Variants in ACVR1C observed in about 807,000 individuals in gnomAD.
ACVR1C encodes the protein activin receptor type-1C.
ACVR1C carries 23 observed loss-of-function variants against 57.9 expected under a neutral mutation model. The ratio of observed to expected loss-of-function variants is 0.40; its 90% confidence interval spans 0.29 to 0.56. The LOEUF (loss-of-function observed/expected upper bound fraction) is 0.56, where lower values mean the gene tolerates loss of function less well. ACVR1C is among the 20% of genes least tolerant of loss of function. The pLI is 0.50. For missense variants in ACVR1C, 480 were observed against 607.9 expected (o/e 0.79, Z 2.21); for synonymous variants, 214 against 215.3 (o/e 0.99, Z 0.05).
Position 157,587,168 on chromosome 2 carries a change from A to G in ACVR1C, c.304+19T>C. ...AAGAGTAAAATTAAATTCGGAATGA[A>G]CAAAGATAAACCCCTTACCTGTTGG... On this transcript the variant is annotated intron_variant, in intron 2 of 8. Transcript: ENST00000243349. The G allele has an allele frequency of 6.3e-7, 1 of 1,575,486 alleles. No homozygotes were observed. Among genetic ancestry groups the G allele is most frequent in the Non-Finnish European group, 8.7e-7 (1 of 1,145,366 alleles).
chr2:157,612,189 T>C (rs779857933), intron 1 of ACVR1C, among the ~76,000 whole-genome samples: 8 of 152,138 alleles, frequency 5.3e-5, no homozygotes, highest in Non-Finnish European at 1.2e-4. Flanking sequence ...GGGTAGCACT[T>C]ACTTCAGCTC....
chr2:157,592,877 A>G (rs1333705580), intron 1 of ACVR1C, among the ~76,000 whole-genome samples: 1 of 152,116 alleles, frequency 6.6e-6, no homozygotes, highest in Non-Finnish European at 1.5e-5. Context: ...GTCTTGTCTC[A>G]TGTTTATTTT....
intron 3 of ACVR1C, among the ~76,000 whole-genome samples, chr2:157,554,240 A>AAAGAAAGAAAGAAAGAAAGAAAGG (rs1688011066): frequency 7.4e-6 from 1 of 135,194 alleles, no homozygotes; most frequent in South Asian, 2.3e-4. Context: ...AGAAAGAAAG[A>AAAGAAAGAAAGAAAGAAAGAAAGG]AAGAAAGAAA....
chr2:157,621,399 G>T (rs1029854021), intron 1 of ACVR1C, among the ~76,000 whole-genome samples: 4 of 152,146 alleles, frequency 2.6e-5, no homozygotes, highest in African/African-American at 4.8e-5. Flanking sequence ...GGTCTTCCTT[G>T]TCTGTTTCAT....
chr2:157,582,906 G>A (rs560151415), intron 2 of ACVR1C, among the ~76,000 whole-genome samples: 2 of 152,182 alleles, frequency 1.3e-5, no homozygotes, highest in South Asian at 2.1e-4. Flanking sequence ...CTGAAATAGT[G>A]TCTCACTCTG....
chr2:157,627,074 T>C (rs1040397293), intron 1 of ACVR1C, among the ~76,000 whole-genome samples: 1 of 152,230 alleles, frequency 6.6e-6, no homozygotes, highest in Non-Finnish European at 1.5e-5. Flanking sequence ...CCCTTGAAGC[T>C]ACATTTTAAA....
chr2:157,628,062 T>C (rs1682942808), intron 1 of ACVR1C, among the ~76,000 whole-genome samples: 1 of 152,178 alleles, frequency 6.6e-6, no homozygotes, highest in African/African-American at 2.4e-5. Flanking sequence ...TAGCTTGGCA[T>C]CTGCGGCTTT....
At chr2:157,573,562 T>C (rs1178673393) in intron 2 of ACVR1C, among the ~76,000 whole-genome samples, 1 of 151,980 alleles carries the variant, frequency 6.6e-6, no homozygotes, top group Non-Finnish European at 1.5e-5. Flanking sequence ...TTCTGTTGAA[T>C]AGTCTATTTC....
intron 1 of ACVR1C, among the ~76,000 whole-genome samples, chr2:157,607,084 G>A (rs894133566): frequency 5.9e-5 from 9 of 151,612 alleles, no homozygotes; most frequent in Non-Finnish European, 1.0e-4. Flanking sequence ...TTCCCCAAAT[G>A]TGTATTCATG....
Position 157,550,355 on chromosome 2 carries a change from C to T in ACVR1C, c.582G>A (p.Thr194=), listed in dbSNP as rs750546163. The T allele has an allele frequency of 9.9e-6, 16 of 1,614,038 alleles. No homozygotes were observed. The highest frequency in any genetic ancestry group is 5.0e-5 in the Admixed American group (3 of 59,998). Reference sequence around the variant, plus strand: ...TTCCTACTATTTCCTGAAGCACAATCGTCCTTGCAATTGTCCTTTGAACCA... The same window carrying T: ...TTCCTACTATTTCCTGAAGCACAATTGTCCTTGCAATTGTCCTTTGAACCA... ...PLLVQRTIAR[T]IVLQEIVGKG... The change falls in exon 4 of 9, where the codon ACG becomes ACA. Residue 194 remains threonine (T), a synonymous_variant. Coordinates refer to ENST00000243349, the MANE Select transcript of ACVR1C (RefSeq NM_145259.3).
At chr2:157,607,296 C>A (rs964696845) in intron 1 of ACVR1C, among the ~76,000 whole-genome samples, 4 of 150,178 alleles carry the variant, frequency 2.7e-5, no homozygotes, top group Admixed American at 2.0e-4. Context: ...GTTATCTGGG[C>A]TCTTTTTTGG....
At chr2:157,557,829 T>C (rs570348928) in intron 2 of ACVR1C, among the ~76,000 whole-genome samples, 2 of 152,300 alleles carry the variant, frequency 1.3e-5, no homozygotes, top group East Asian at 3.9e-4. Flanking sequence ...ATCTTGCATT[T>C]AAGAAATCTT....
chr2:157,598,910 A>G (rs1206649134), intron 1 of ACVR1C, among the ~76,000 whole-genome samples: 2 of 152,142 alleles, frequency 1.3e-5, no homozygotes, highest in African/African-American at 2.4e-5. Flanking sequence ...TGAGTGTCCA[A>G]GCTGTTATTA....
chr2:157,529,053 G>A lies in ACVR1C; in HGVS notation c.*4865C>T, dbSNP rs1435103316. The A allele has an allele frequency of 6.6e-6, 1 of 151,992 alleles. No homozygotes were observed. The highest frequency in any genetic ancestry group is 2.4e-5 in the African/African-American group (1 of 41,382). The allele number at this position is 151,992 out of a possible 1,614,324, so 9.4% of individuals were successfully genotyped here. A position where few individuals can be genotyped will look rare whatever the true frequency, so the allele number is the denominator to read the frequency against. On this transcript the variant is annotated 3_prime_UTR_variant, in exon 9 of 9. Coordinates refer to ENST00000243349, the MANE Select transcript of ACVR1C (RefSeq NM_145259.3). The stretch of plus-strand genomic sequence containing the variant: ...AGATGAATGCCAAAGACAAACTAAT[G>A]AGAAACTGAGGGGAAAAAAAAGAGA...
chr2:157,606,471 T>C (rs910608113), intron 1 of ACVR1C, among the ~76,000 whole-genome samples: 1 of 151,820 alleles, frequency 6.6e-6, no homozygotes, highest in Non-Finnish European at 1.5e-5. Context: ...TCTGTTGTTT[T>C]TGTCTTTTTA....
At position 157,532,123 on chromosome 2, in the gene ACVR1C, A is replaced by G. The variant is rs898367334; in HGVS notation, c.*1795T>C. The G allele has an allele frequency of 2.0e-5, 3 of 152,138 alleles. No homozygotes were observed. The highest frequency in any genetic ancestry group is 6.6e-5 in the Admixed American group (1 of 15,252). 9.4% of individuals were successfully genotyped at this position (152,138 alleles called of 1,614,324 possible). A position where few individuals can be genotyped will look rare whatever the true frequency, so the allele number is the denominator to read the frequency against. On this transcript the variant is annotated 3_prime_UTR_variant, in exon 9 of 9. Coordinates refer to ENST00000243349, the MANE Select transcript of ACVR1C (RefSeq NM_145259.3). ...GCCTTCCTTATTTCAACTCAGTAAA[A>G]TGAAGATAGATTCAGTAACATATTT...
chr2:157,593,124 A>G (rs1478397674), intron 1 of ACVR1C, among the ~76,000 whole-genome samples: 1 of 152,124 alleles, frequency 6.6e-6, no homozygotes, highest in Non-Finnish European at 1.5e-5. Flanking sequence ...ACCCACATCA[A>G]CTAAAGGATG....
chr2:157,612,295 G>T (rs1216848206), intron 1 of ACVR1C, among the ~76,000 whole-genome samples: 1 of 152,180 alleles, frequency 6.6e-6, no homozygotes, highest in Non-Finnish European at 1.5e-5. Context: ...CATTGAGAGT[G>T]GGGGCTCAGT....
At chr2:157,566,790 G>A (rs1421236420) in intron 2 of ACVR1C, among the ~76,000 whole-genome samples, 3 of 151,902 alleles carry the variant, frequency 2.0e-5, no homozygotes, top group Non-Finnish European at 4.4e-5. Flanking sequence ...GGGGAGGGGC[G>A]CCCGCCATTG....
Sources: allele counts gnomAD v4.1 joint callset (sites outside exome capture counted in the v4.1 genomes callset), GRCh38; gene constraint gnomAD v4.1.1; transcripts MANE v1.5; gene names NCBI Gene and HGNC (gene_info 2026-07-23, HGNC 2026-07-21).